The following RYK variants were observed in gnomAD, a reference collection of about 807,000 sequenced individuals.
RYK encodes receptor like tyrosine kinase, also known as inactive tyrosine-protein kinase RYK.
Under a neutral mutation model 70.2 loss-of-function variants are expected in RYK, and 21 were observed. The observed-to-expected ratio is 0.30, with a 90% CI of 0.21 to 0.43. RYK has a LOEUF of 0.43. RYK is among the 20% of genes least tolerant of loss of function. The pLI, the probability that RYK is intolerant of heterozygous loss-of-function variation, is 1.00. For synonymous variants in RYK, 267 were observed against 278.0 expected, an observed-to-expected ratio of 0.96 and a Z score of 0.39; for missense variants, 604 against 753.3, an observed-to-expected ratio of 0.80 and a Z score of 2.32.
At chr3:134,186,493 A>G (rs1203898682) in intron 9 of RYK, among the ~76,000 whole-genome samples, 1 of 152,228 alleles carries the variant, frequency 6.6e-6, no homozygotes, top group Non-Finnish European at 1.5e-5. Flanking sequence ...AAAATAATCA[A>G]TCTCAGAGAC....
intron 1 of RYK, among the ~76,000 whole-genome samples, chr3:134,232,185 T>C (rs763161922): frequency 4.6e-5 from 7 of 152,246 alleles, no homozygotes; most frequent in Non-Finnish European, 8.8e-5. Context: ...TCTCCCATTC[T>C]ATTGTACCAA....
At chr3:134,248,402 C>T (rs762187623) in intron 1 of RYK, among the ~76,000 whole-genome samples, 1 of 152,172 alleles carries the variant, frequency 6.6e-6, no homozygotes, top group Non-Finnish European at 1.5e-5. Flanking sequence ...AAATATATAA[C>T]TCAAGTGCTA....
At chr3:134,171,395 G>A (rs532905083) in intron 13 of RYK, among the ~76,000 whole-genome samples, 23 of 152,314 alleles carry the variant, frequency 1.5e-4, no homozygotes, top group Admixed American at 9.8e-4. Context: ...CGCTCTTGGA[G>A]CATCTTGCTT....
intron 6 of RYK, among the ~76,000 whole-genome samples, chr3:134,200,840 T>G (rs894033657): frequency 1.3e-5 from 2 of 152,206 alleles, no homozygotes; most frequent in Non-Finnish European, 2.9e-5. Context: ...AACGTGATAA[T>G]ATAAGCTGGT....
At chr3:134,237,751 C>T (rs188387480) in intron 1 of RYK, among the ~76,000 whole-genome samples, 4 of 152,270 alleles carry the variant, frequency 2.6e-5, no homozygotes, top group Non-Finnish European at 5.9e-5. Flanking sequence ...TCTCCTCAGC[C>T]GCAAAATTCT....
At chr3:134,198,666 G>A (rs1417680475) in intron 6 of RYK, among the ~76,000 whole-genome samples, 4 of 152,168 alleles carry the variant, frequency 2.6e-5, no homozygotes, top group African/African-American at 4.8e-5. Flanking sequence ...AGAAAACCAC[G>A]CTTCCCTGGG....
At chr3:134,189,489 C>A (rs559219710) in intron 8 of RYK, among the ~76,000 whole-genome samples, 2 of 151,916 alleles carry the variant, frequency 1.3e-5, no homozygotes. Context: ...AGAGGCTGCG[C>A]GCGGCTCACG....
chr3:134,238,117 G>C (rs2015237213), intron 1 of RYK, among the ~76,000 whole-genome samples: 1 of 152,154 alleles, frequency 6.6e-6, no homozygotes, highest in Non-Finnish European at 1.5e-5. Context: ...ATTATGCCTA[G>C]AAAATTAGCT....
At chr3:134,186,455 A>G (rs2108160656) in intron 9 of RYK, among the ~76,000 whole-genome samples, 1 of 152,360 alleles carries the variant, frequency 6.6e-6, no homozygotes, top group South Asian at 2.1e-4. Context: ...CTATGTGGCT[A>G]CAACTAAAAC....
At chr3:134,235,627 G>A (rs2015181154) in intron 1 of RYK, among the ~76,000 whole-genome samples, 1 of 152,014 alleles carries the variant, frequency 6.6e-6, no homozygotes, top group Non-Finnish European at 1.5e-5. Flanking sequence ...AAAGACAGGG[G>A]CTAGATAACC....
At chr3:134,234,986 T>C (rs562628337) in intron 1 of RYK, among the ~76,000 whole-genome samples, 9 of 152,152 alleles carry the variant, frequency 5.9e-5, no homozygotes, top group Non-Finnish European at 7.4e-5. Context: ...TCTATCAAGA[T>C]GGTACTCTAT....
chr3:134,242,075 T>C (rs959082690), intron 1 of RYK, among the ~76,000 whole-genome samples: 72 of 152,150 alleles, frequency 4.7e-4, no homozygotes, highest in African/African-American at 1.7e-3. Context: ...GAGGCCAAGG[T>C]GGGTGGATCA....
intron 1 of RYK, among the ~76,000 whole-genome samples, chr3:134,248,971 G>A (rs545732754): frequency 6.6e-6 from 1 of 152,046 alleles, no homozygotes; most frequent in African/African-American, 2.4e-5. Flanking sequence ...TCAGTCCCTG[G>A]TTGTCTTCTG....
chr3:134,249,921 T>TTTG (rs2015565900), intron 1 of RYK, among the ~76,000 whole-genome samples: 1 of 104,174 alleles, frequency 9.6e-6, no homozygotes, highest in African/African-American at 3.9e-5. Context: ...TCTCTCGTTT[T>TTTG]TTTTTTTTTT....
At chr3:134,229,272 G>C (rs1319411750) in intron 1 of RYK, among the ~76,000 whole-genome samples, 1 of 144,574 alleles carries the variant, frequency 6.9e-6, no homozygotes, top group Non-Finnish European at 1.5e-5. Context: ...TTCCCCCTCC[G>C]CCTCGCACTC....
At chr3:134,164,856 T>G (rs1394507548) in intron 13 of RYK, among the ~76,000 whole-genome samples, 1 of 152,366 alleles carries the variant, frequency 6.6e-6, no homozygotes, top group South Asian at 2.1e-4. Flanking sequence ...CTGCCAGCAG[T>G]GTAAAAGAGC....
At chr3:134,211,419 C>T (rs753979173) in intron 3 of RYK, 89 bp downstream of exon 3, 10 of 777,482 alleles carry the variant, frequency 1.3e-5, no homozygotes, top group Admixed American at 1.0e-4. Flanking sequence ...AAGTAATACA[C>T]ACTACACATC....
At chr3:134,159,196 A>C in intron 14 of RYK, 41 bp downstream of exon 14, 2 of 1,604,480 alleles carry the variant, frequency 1.2e-6, no homozygotes, top group Non-Finnish European at 8.5e-7. Flanking sequence ...CAATATAGTA[A>C]ATGGAATAAA....
intron 9 of RYK, among the ~76,000 whole-genome samples, chr3:134,185,055 G>A (rs1363587358): frequency 6.6e-6 from 1 of 151,380 alleles, no homozygotes; most frequent in Non-Finnish European, 1.5e-5. Context: ...GATTGCTTGA[G>A]CCCAGGAGGT....
Sources: gnomAD v4.1 joint callset for allele counts (sites outside exome capture counted in the v4.1 genomes callset) on GRCh38, gnomAD v4.1.1 for gene constraint, MANE v1.5 for transcripts, NCBI Gene and HGNC (gene_info 2026-07-23, HGNC 2026-07-21) for gene names.